Variants in NALCN observed in about 807,000 individuals in gnomAD.
NALCN encodes the protein sodium leak channel NALCN.
Under a neutral mutation model 225.3 loss-of-function variants are expected in NALCN, and 111 were observed. The ratio of observed to expected loss-of-function variants is 0.49; its 90% confidence interval spans 0.42 to 0.58. The LOEUF is 0.58. Ranked by LOEUF, NALCN falls within the 20% of genes least tolerant of loss-of-function variation. The pLI, the probability that NALCN is intolerant of heterozygous loss-of-function variation, is 0.00. For synonymous variants in NALCN, 764 were observed against 769.0 expected, an observed-to-expected ratio of 0.99 and a Z score of 0.11; for missense variants, 1,378 against 2,202.4, an observed-to-expected ratio of 0.63 and a Z score of 7.49.
At chr13:101,138,870 C>T (rs2139768010) in intron 17 of NALCN, among the ~76,000 whole-genome samples, 1 of 152,234 alleles carries the variant, frequency 6.6e-6, no homozygotes, top group African/African-American at 2.4e-5. Context: ...GAAATTGTTG[C>T]TTGATTTCTT....
chr13:101,249,727 C>A lies in NALCN; in HGVS notation c.1266+8716G>T, dbSNP rs2042005972. Among the ~76,000 whole-genome samples, 4 of 151,900 alleles carry A rather than the reference C, an allele frequency of 2.6e-5. No homozygotes were observed. The South Asian group carries it at 8.3e-4, about 32-fold the overall frequency. On this transcript the variant is annotated intron_variant, in intron 11 of 43. Coordinates refer to ENST00000251127, the MANE Select transcript of NALCN (RefSeq NM_052867.4). The stretch of plus-strand genomic sequence containing the variant: ...CATAATGAGAAATGCTCTTGGCAAC[C>A]TAGAAATAGAAGTGAGCTTTATTAA...
At position 101,275,189 on chromosome 13, in the gene NALCN, G is replaced by A. The variant is rs146754753; in HGVS notation, c.1134+8744C>T. On this transcript the variant is annotated intron_variant, in intron 10 of 43. Coordinates refer to ENST00000251127, the MANE Select transcript of NALCN (RefSeq NM_052867.4). ...CTTTGGGTGTTTTCTGGGGAGTCTC[G>A]TTAGGGCTTTTGATTGGGAGGTCAT... Among the ~76,000 whole-genome samples, 75 of 152,168 alleles carry A rather than the reference G, an allele frequency of 4.9e-4. No homozygotes were observed. The Middle Eastern group carries it at 0.01, about 21-fold the overall frequency.
chr13:101,089,580 C>G lies in NALCN; in HGVS notation c.3489+83G>C. The G allele has an allele frequency of 8.0e-7, 1 of 1,246,616 alleles. No homozygotes were observed. Among genetic ancestry groups the G allele is most frequent in the Non-Finnish European group, 1.2e-6 (1 of 868,052 alleles). The allele number at this position is 1,246,616 out of a possible 1,614,324, so 77.2% of individuals were successfully genotyped here. A position where few individuals can be genotyped will look rare whatever the true frequency, so the allele number is the denominator to read the frequency against. ...CATTACAGTTTAAAGCGGCTTCACG[C>G]CGCGTGTGAAAAGAAACAAATAGCT... On this transcript the variant is annotated intron_variant, in intron 30 of 43. Transcript: ENST00000251127. The surrounding 1 kb of genome is among the most constrained non-coding windows in gnomAD (Gnocchi z 4.7).
At chr13:101,067,872 T>G in intron 39 of NALCN, 46 bp downstream of exon 39, 7 of 1,285,430 alleles carry the variant, frequency 5.4e-6, no homozygotes, top group Non-Finnish European at 7.9e-6. Flanking sequence ...GACATGTTGA[T>G]AAGTCTCTTT....
chr13:101,314,158 T>C (rs1340863136), intron 7 of NALCN, among the ~76,000 whole-genome samples: 1 of 93,550 alleles, frequency 1.1e-5, no homozygotes. Context: ...CTGGGGACTG[T>C]TGTGGGGTGG....
chr13:101,372,099 A>G (rs1210200223), intron 6 of NALCN, among the ~76,000 whole-genome samples: 1 of 152,182 alleles, frequency 6.6e-6, no homozygotes, highest in African/African-American at 2.4e-5. Flanking sequence ...TCCCGAAGCT[A>G]ATTAGGAAAA....
intron 3 of NALCN, among the ~76,000 whole-genome samples, chr13:101,387,239 A>T (rs929371749): frequency 6.7e-6 from 1 of 149,162 alleles, no homozygotes; most frequent in African/African-American, 2.5e-5. Context: ...AAAAAAAAAA[A>T]AAAAAAAAAA....
intron 17 of NALCN, among the ~76,000 whole-genome samples, chr13:101,125,338 C>T (rs2036180851): frequency 6.6e-6 from 1 of 151,982 alleles, no homozygotes; most frequent in Admixed American, 6.6e-5. Context: ...GCAAATGGGC[C>T]ACTATGTTCT....
chr13:101,197,764 G>A (rs2039949547), intron 13 of NALCN, among the ~76,000 whole-genome samples: 1 of 152,100 alleles, frequency 6.6e-6, no homozygotes, highest in African/African-American at 2.4e-5. Flanking sequence ...GAATTTTAAT[G>A]GGAAACTATG....
At chr13:101,234,541 C>T (rs981432035) in intron 12 of NALCN, among the ~76,000 whole-genome samples, 6 of 152,136 alleles carry the variant, frequency 3.9e-5, no homozygotes, top group Admixed American at 1.3e-4. Flanking sequence ...TACAAAGAGC[C>T]GCTCTGTCTG....
At chr13:101,123,271 C>G (rs1478137142) in intron 18 of NALCN, among the ~76,000 whole-genome samples, 1 of 152,188 alleles carries the variant, frequency 6.6e-6, no homozygotes, top group African/African-American at 2.4e-5. Flanking sequence ...ACTTGGCAGG[C>G]AGATACTCGA....
chr13:101,136,954 T>G (rs1244022132), intron 17 of NALCN, among the ~76,000 whole-genome samples: 1 of 152,204 alleles, frequency 6.6e-6, no homozygotes, highest in Non-Finnish European at 1.5e-5. Context: ...CCACATCCTC[T>G]CCAGCACCTG....
intron 13 of NALCN, among the ~76,000 whole-genome samples, chr13:101,217,855 C>G (rs546537393): frequency 7.8e-4 from 118 of 152,232 alleles, no homozygotes; most frequent in African/African-American, 2.7e-3. Flanking sequence ...ATCTGGGGTC[C>G]AGATGTTTCT....
Position 101,103,303 on chromosome 13 carries a change from C to A in NALCN, c.2926G>T (p.Val976Leu), listed in dbSNP as rs1566815453. 6.2e-7 allele frequency: 1 copy of A among 1,613,258 alleles called. No individual in the cohort carries two copies. ...LIFLCWMPQN[V>L]PAESGAQLLM... ...AGCTGAGCTCCCGATTCAGCAGGTA[C>A]ATTTTGAGGCATCCAACAAAGAAAT... Residue 976 changes from valine (V) to leucine (L), a missense_variant, in exon 26 of 44, where the codon GTA (valine) becomes TTA (leucine). This residue lies in a region of NALCN where 292 missense variants were observed against 409.5 expected (regional missense o/e 0.71). Transcript: ENST00000251127.
At chr13:101,117,053 T>C (rs1356900905) in intron 18 of NALCN, 7 of 469,720 alleles carry the variant, frequency 1.5e-5, no homozygotes, top group Non-Finnish European at 2.6e-5. Context: ...GATACCCCAC[T>C]CCTTTGTGAG....
chr13:101,334,830 T>C (rs1402423593), intron 7 of NALCN, among the ~76,000 whole-genome samples: 1 of 151,172 alleles, frequency 6.6e-6, no homozygotes, highest in Non-Finnish European at 1.5e-5. Flanking sequence ...AAGGGAAGAA[T>C]GAAAAACATG....
chr13:101,183,760 G>A (rs376169038), intron 14 of NALCN, among the ~76,000 whole-genome samples: 2 of 151,898 alleles, frequency 1.3e-5, no homozygotes, highest in East Asian at 3.9e-4. Context: ...CGCCTGGCCC[G>A]ATATTTCAAT....
At chr13:101,124,162 T>C (rs1159544074) in intron 18 of NALCN, among the ~76,000 whole-genome samples, 1 of 152,210 alleles carries the variant, frequency 6.6e-6, no homozygotes, top group South Asian at 2.1e-4. Context: ...AAGCATATGT[T>C]TTCATAGGCA....
chr13:101,055,463 C>T lies in NALCN; in HGVS notation c.5049G>A (p.Val1683=), dbSNP rs1188670826. The T allele has an allele frequency of 1.8e-5, 29 of 1,613,946 alleles. No homozygotes were observed. Among genetic ancestry groups the T allele is most frequent in the Non-Finnish European group, 1.9e-5 (23 of 1,179,990 alleles). The part of the protein sequence containing the change: ...PSAPKPISHS[V]SSVNLRFGGR... ...CTCCAAACCGTAAGTTGACTGAGGACACTGAATGGCTTATTGGTTTTGGGG... is the reference window on the plus strand; with the variant it reads ...CTCCAAACCGTAAGTTGACTGAGGATACTGAATGGCTTATTGGTTTTGGGG... The change falls in exon 44 of 44, where the codon GTG becomes GTA. Residue 1683 remains valine, a synonymous_variant. Coordinates refer to ENST00000251127, the MANE Select transcript of NALCN (RefSeq NM_052867.4).
Sources: gnomAD v4.1 joint callset for allele counts (sites outside exome capture counted in the v4.1 genomes callset) on GRCh38, gnomAD v4.1.1 for gene constraint, gnomAD v4.1.1 regional missense constraint, Gnocchi (gnomAD v3.1) non-coding constraint, MANE v1.5 for transcripts, NCBI Gene and HGNC (gene_info 2026-07-23, HGNC 2026-07-21) for gene names.